MGAT4C: variants seen among roughly 807,000 people sequenced by gnomAD.
The protein encoded by MGAT4C is alpha-1,3-mannosyl-glycoprotein 4-beta-N-acetylglucosaminyltransferase C.
MGAT4C carries 19 observed loss-of-function variants against 40.1 expected under a neutral mutation model. The ratio of observed to expected loss-of-function variants is 0.47; its 90% CI spans 0.33 to 0.70. MGAT4C has a LOEUF of 0.70. MGAT4C is among the 30% of genes least tolerant of loss of function. The pLI is 0.02. For synonymous variants in MGAT4C, 181 were observed against 187.1 expected (o/e 0.97, Z 0.27); for missense variants, 491 against 563.2 (o/e 0.87, Z 1.30).
intron 2 of MGAT4C, among the ~76,000 whole-genome samples, chr12:86,653,292 A>G (rs985763153): frequency 6.6e-6 from 1 of 151,824 alleles, no homozygotes; most frequent in African/African-American, 2.4e-5. Context: ...TTATCTGGAT[A>G]CTCAGGTTGG....
chr12:86,106,170 A>G (rs554130444), intron 1 of MGAT4C, among the ~76,000 whole-genome samples: 1 of 152,260 alleles, frequency 6.6e-6, no homozygotes, highest in East Asian at 1.9e-4. Context: ...ACTCTGGATG[A>G]TGCTAATAGG....
At chr12:86,149,600 T>TA (rs545906733) in intron 1 of MGAT4C, among the ~76,000 whole-genome samples, 1 of 151,968 alleles carries the variant, frequency 6.6e-6, no homozygotes, top group Non-Finnish European at 1.5e-5. Context: ...TATGAAAGAG[T>TA]AAAAAGCACA....
chr12:86,099,974 T>A lies in MGAT4C; in HGVS notation c.-56-50251A>T, dbSNP rs530737369. On this transcript the variant is annotated intron_variant, in intron 1 of 4. Transcript: ENST00000611864. The stretch of plus-strand genomic sequence containing the variant: ...TTTTCTCATTTCATCTATATTAGTG[T>A]CTGCTCTCTACATTATGAAACTACA... Among the ~76,000 whole-genome samples, 11 of 151,628 alleles carry A rather than the reference T, an allele frequency of 7.3e-5. No individual in the cohort carries two copies. In the East Asian group the frequency reaches 1.9e-3, roughly 27 times the overall value.
intron 1 of MGAT4C, among the ~76,000 whole-genome samples, chr12:86,187,435 T>A (rs1023483344): frequency 2.0e-5 from 3 of 152,052 alleles, no homozygotes; most frequent in African/African-American, 7.2e-5. Flanking sequence ...GAGAAATATT[T>A]CCATTGTCCG....
chr12:86,396,234 C>T (rs1387552046), intron 3 of MGAT4C, among the ~76,000 whole-genome samples: 1 of 152,116 alleles, frequency 6.6e-6, no homozygotes, highest in African/African-American at 2.4e-5. Context: ...TTCAAAAATT[C>T]TAAGTTATTG....
At chr12:86,553,465 TAAGTA>T (rs1399786557) in intron 2 of MGAT4C, among the ~76,000 whole-genome samples, 1 of 37,016 alleles carries the variant, frequency 2.7e-5, no homozygotes, top group Non-Finnish European at 7.3e-5. Flanking sequence ...AGCCCATAAC[TAAGTA>T]AATCCAGTTT....
At chr12:86,238,314 C>G (rs1364955010) in intron 1 of MGAT4C, among the ~76,000 whole-genome samples, 1 of 151,940 alleles carries the variant, frequency 6.6e-6, no homozygotes. Context: ...AAATAATTTA[C>G]TTGTCTTGCA....
intron 3 of MGAT4C, among the ~76,000 whole-genome samples, chr12:86,369,404 C>G (rs1215319776): frequency 1.3e-5 from 2 of 151,440 alleles, no homozygotes; most frequent in Non-Finnish European, 3.0e-5. Context: ...TAATTTTTTC[C>G]TCTCTTTTTC....
chr12:86,811,336 ATTTTT>A (rs553885593), intron 1 of MGAT4C, among the ~76,000 whole-genome samples: 1 of 106,932 alleles, frequency 9.4e-6, no homozygotes, highest in Admixed American at 1.1e-4. Flanking sequence ...CACTCATAGT[ATTTTT>A]TTTTTTTTTT....
intron 1 of MGAT4C, among the ~76,000 whole-genome samples, chr12:86,248,440 CA>C (rs1952133936): frequency 6.6e-6 from 1 of 151,858 alleles, no homozygotes; most frequent in Non-Finnish European, 1.5e-5. Context: ...TCTATATCTC[CA>C]CCTCCCTAAT....
At chr12:86,663,581 G>T (rs1015076365) in intron 2 of MGAT4C, among the ~76,000 whole-genome samples, 31 of 151,836 alleles carry the variant, frequency 2.0e-4, no homozygotes, top group Non-Finnish European at 3.4e-4. Flanking sequence ...ACTGATTTTT[G>T]CCATCTAGAC....
At chr12:86,330,115 A>C (rs1954627295) in intron 4 of MGAT4C, among the ~76,000 whole-genome samples, 1 of 152,192 alleles carries the variant, frequency 6.6e-6, no homozygotes, top group Non-Finnish European at 1.5e-5. Context: ...AGAAGCAGAA[A>C]GATCTCTCTG....
chr12:86,315,311 G>A (rs1329871914), intron 4 of MGAT4C, among the ~76,000 whole-genome samples: 1 of 152,152 alleles, frequency 6.6e-6, no homozygotes, highest in Non-Finnish European at 1.5e-5. Flanking sequence ...GGCTAGCCAT[G>A]TGCAGAAGAA....
intron 1 of MGAT4C, among the ~76,000 whole-genome samples, chr12:86,083,391 T>C (rs995233472): frequency 9.9e-5 from 15 of 152,076 alleles, no homozygotes; most frequent in Non-Finnish European, 2.9e-5. Flanking sequence ...TTAAAAGTGT[T>C]TGATGGCTTA....
chr12:86,814,098 G>A (rs1456888676), intron 1 of MGAT4C, among the ~76,000 whole-genome samples: 4 of 151,738 alleles, frequency 2.6e-5, no homozygotes, highest in Non-Finnish European at 5.9e-5. Context: ...TTTTAGTAGA[G>A]ACAGGGTTTC....
chr12:86,046,973 A>C (rs1443364442), intron 2 of MGAT4C, among the ~76,000 whole-genome samples: 1 of 152,202 alleles, frequency 6.6e-6, no homozygotes, highest in Admixed American at 6.5e-5. Context: ...AAAATATACT[A>C]TCTCTGTTAC....
At chr12:86,758,503 A>C (rs2136149257) in intron 1 of MGAT4C, among the ~76,000 whole-genome samples, 1 of 151,952 alleles carries the variant, frequency 6.6e-6, no homozygotes, top group Non-Finnish European at 1.5e-5. Flanking sequence ...TTTTTGAGAA[A>C]GATACATGTA....
At chr12:86,044,278 C>A (rs1484756797) in intron 2 of MGAT4C, among the ~76,000 whole-genome samples, 1 of 152,140 alleles carries the variant, frequency 6.6e-6, no homozygotes, top group Non-Finnish European at 1.5e-5. Context: ...AGACTGCAGT[C>A]CATAACAATC....
intron 4 of MGAT4C, among the ~76,000 whole-genome samples, chr12:86,262,950 T>G (rs1023900591): frequency 6.6e-6 from 1 of 152,134 alleles, no homozygotes; most frequent in Admixed American, 6.5e-5. Flanking sequence ...ATGTTGACTG[T>G]AAAAACTTTG....
Sources: allele counts gnomAD v4.1 joint callset (sites outside exome capture counted in the v4.1 genomes callset), GRCh38; gene constraint gnomAD v4.1.1; transcripts MANE v1.5; gene names NCBI Gene and HGNC (gene_info 2026-07-23, HGNC 2026-07-21).